Variants in SCG3 observed in about 807,000 individuals in gnomAD.
The protein encoded by SCG3 is secretogranin-3.
Under a neutral mutation model 56.2 loss-of-function variants are expected in SCG3, and 38 were observed. That is an observed-to-expected ratio of 0.68 (90% CI 0.52 to 0.89). The LOEUF (loss-of-function observed/expected upper bound fraction) is 0.89. Among genes scored for constraint, SCG3 ranks in the 40% least tolerant of loss-of-function variants. The pLI, the probability that SCG3 is intolerant of heterozygous loss-of-function variation, is 0.00. For synonymous variants in SCG3, 176 were observed against 184.2 expected (o/e 0.96, Z 0.36); for missense variants, 524 against 540.7 (o/e 0.97, Z 0.31).
chr15:51,700,860 G>T lies in SCG3; in HGVS notation c.1070-247G>T, dbSNP rs1379784153. Among the ~76,000 whole-genome samples, 4 of 150,678 alleles carry T rather than the reference G, an allele frequency of 2.7e-5. No individual in the cohort carries two copies. The East Asian group carries it at 7.8e-4, about 29-fold the overall frequency. On this transcript the variant is annotated intron_variant, in intron 9 of 11. Transcript: ENST00000220478. ...TCAGAAAGCTGGGGTGGGGTGGGGT[G>T]GGGGGGATATATCTAAAGTCAACTC...
intron 11 of SCG3, among the ~76,000 whole-genome samples, chr15:51,716,201 G>A (rs1391551173): frequency 3.3e-5 from 5 of 152,128 alleles, no homozygotes; most frequent in Admixed American, 6.5e-5. Flanking sequence ...ATCACTTAGC[G>A]GGAGTCTGCC....
chr15:51,694,932 G>T (rs2141566081), intron 7 of SCG3, among the ~76,000 whole-genome samples: 1 of 152,114 alleles, frequency 6.6e-6, no homozygotes, highest in Non-Finnish European at 1.5e-5. Flanking sequence ...TCGGGAGGCT[G>T]AGGTAGGAGA....
Position 51,681,738 on chromosome 15 carries a change from C to G in SCG3, c.-18C>G, listed in dbSNP as rs779057789. 10 of 1,609,908 alleles carry G rather than the reference C, an allele frequency of 6.2e-6. No homozygotes were observed. The East Asian group carries it at 2.2e-4, about 36-fold the overall frequency. On this transcript the variant is annotated 5_prime_UTR_variant, in exon 1 of 12. Transcript: ENST00000220478. ...AGGAGCCCAGCGCCGGGCTGTGACC[C>G]AAGCCGAGCGTGGAAGAATGGGGTT...
chr15:51,717,824 G>A (rs2055468095), intron 11 of SCG3, among the ~76,000 whole-genome samples: 1 of 152,168 alleles, frequency 6.6e-6, no homozygotes, highest in African/African-American at 2.4e-5. Context: ...AGACTTCATT[G>A]GATAGGCATG....
intron 7 of SCG3, among the ~76,000 whole-genome samples, chr15:51,695,263 T>C (rs2055295454): frequency 6.6e-6 from 1 of 152,112 alleles, no homozygotes; most frequent in Non-Finnish European, 1.5e-5. Context: ...TGTTCTTATT[T>C]TCAATTAAGA....
chr15:51,701,376 T>G, intron 10 of SCG3, 132 bp downstream of exon 10: 3 of 864,874 alleles, frequency 3.5e-6, no homozygotes, highest in Non-Finnish European at 5.1e-6. Context: ...AGAACAGGCT[T>G]GGCATGTGGT....
intron 10 of SCG3, among the ~76,000 whole-genome samples, chr15:51,701,749 T>G (rs1049961182): frequency 6.6e-6 from 1 of 152,088 alleles, no homozygotes; most frequent in Non-Finnish European, 1.5e-5. Context: ...CTACAAAAAA[T>G]GCAAAAATTA....
At chr15:51,688,071 T>C (rs570934589) in intron 4 of SCG3, among the ~76,000 whole-genome samples, 189 bp from the exon 5 acceptor site, 12 of 152,318 alleles carry the variant, frequency 7.9e-5, no homozygotes, top group Admixed American at 7.2e-4. Context: ...ATGTCCATTA[T>C]CATACTAAGT....
chr15:51,692,758 T>C (rs1274589133), intron 7 of SCG3, among the ~76,000 whole-genome samples: 3 of 152,202 alleles, frequency 2.0e-5, no homozygotes, highest in African/African-American at 7.2e-5. Flanking sequence ...ATATTGTATA[T>C]ATTTAAGGTG....
chr15:51,705,049 T>A (rs1407515374), intron 10 of SCG3, among the ~76,000 whole-genome samples: 1 of 151,850 alleles, frequency 6.6e-6, no homozygotes, highest in Non-Finnish European at 1.5e-5. Flanking sequence ...GGTAAATTTT[T>A]AAAAATAGCT....
In SCG3 at chr15:51,692,201, A is replaced by G. The variant is rs1277835278; in HGVS notation, c.733A>G (p.Asn245Asp). The stretch of plus-strand genomic sequence containing the variant: ...TCAAGATGGTCTTGCTAAGGGAGAA[A>G]ACGATGAAACAGTATCTAACACATT... ...AIQDGLAKGE[N>D]DETVSNTLTL... is the part of the protein sequence containing the mutation. The change falls in exon 7 of 12, where the codon AAC becomes GAC. Residue 245 changes from asparagine (N) to aspartate (D), a missense_variant. Coordinates refer to ENST00000220478, the MANE Select transcript of SCG3 (RefSeq NM_013243.4). 7 of 1,613,756 alleles carry G rather than the reference A, an allele frequency of 4.3e-6. No individual in the cohort carries two copies. The highest frequency in any genetic ancestry group is 3.3e-5 in the Admixed American group (2 of 59,982).
chr15:51,689,401 GT>G, intron 6 of SCG3, 33 bp downstream of exon 6: 17 of 612,036 alleles, frequency 2.8e-5, no homozygotes, highest in South Asian at 4.6e-5. Flanking sequence ...ATGCATGGGG[GT>G]GTGTGTGTGT....
chr15:51,710,826 G>C (rs901371118), intron 10 of SCG3, among the ~76,000 whole-genome samples: 1 of 146,468 alleles, frequency 6.8e-6, no homozygotes, highest in African/African-American at 2.5e-5. Flanking sequence ...AAACTCTTAG[G>C]TTCAAGCGAT....
At chr15:51,717,253 A>C (rs2055462865) in intron 11 of SCG3, among the ~76,000 whole-genome samples, 1 of 152,112 alleles carries the variant, frequency 6.6e-6, no homozygotes, top group African/African-American at 2.4e-5. Flanking sequence ...CTGTAGTCCC[A>C]GCTGCTCAGG....
chr15:51,685,267 A>G (rs1486936902), intron 4 of SCG3, among the ~76,000 whole-genome samples: 2 of 152,382 alleles, frequency 1.3e-5, no homozygotes, highest in Non-Finnish European at 2.9e-5. Flanking sequence ...TTATAACTGC[A>G]TACAAAACAG....
At chr15:51,713,232 C>A in intron 10 of SCG3, 101 bp from the exon 11 acceptor site, 1 of 759,042 alleles carries the variant, frequency 1.3e-6, no homozygotes, top group Non-Finnish European at 2.2e-6. Flanking sequence ...GCAAATGCTG[C>A]ATAAGTCTAA....
intron 10 of SCG3, among the ~76,000 whole-genome samples, chr15:51,712,910 C>T (rs1019080593): frequency 6.6e-6 from 1 of 152,206 alleles, no homozygotes; most frequent in Non-Finnish European, 1.5e-5. Context: ...GTGATGGAAT[C>T]TTTAAGTATC....
chr15:51,715,322 C>T (rs1218652123), intron 11 of SCG3: 1 of 152,196 alleles, frequency 6.6e-6, no homozygotes, highest in African/African-American at 2.4e-5. Context: ...CTCATATGCG[C>T]TCGGCTTGAC....
chr15:51,706,101 CT>C (rs2055374061), intron 10 of SCG3, among the ~76,000 whole-genome samples: 1 of 152,178 alleles, frequency 6.6e-6, no homozygotes, highest in Non-Finnish European at 1.5e-5. Flanking sequence ...TTTCATTGCA[CT>C]TTTCTCAAGG....
Sources: allele counts gnomAD v4.1 joint callset (sites outside exome capture counted in the v4.1 genomes callset), GRCh38; gene constraint gnomAD v4.1.1; transcripts MANE v1.5; gene names NCBI Gene and HGNC (gene_info 2026-07-23, HGNC 2026-07-21).